Variants in SCFD2 observed in about 807,000 individuals in gnomAD.
SCFD2 encodes the protein sec1 family domain-containing protein 2.
Under a neutral mutation model 58.9 loss-of-function variants are expected in SCFD2, and 54 were observed. That is an observed-to-expected ratio of 0.92 (90% CI 0.74 to 1.15). The LOEUF is 1.15. SCFD2 is among the 50% of genes most tolerant of loss of function. The pLI is 0.00. For missense variants in SCFD2, 805 were observed against 836.6 expected (o/e 0.96, Z 0.47); for synonymous variants, 321 against 335.9 (o/e 0.96, Z 0.49).
intron 4 of SCFD2, among the ~76,000 whole-genome samples, chr4:53,207,311 TAAA>T (rs755241030): frequency 8.2e-5 from 9 of 109,746 alleles, no homozygotes; most frequent in Non-Finnish European, 3.8e-5. Flanking sequence ...ACATTTTTGC[TAAA>T]AAAAAAAAAA....
chr4:53,070,332 G>A (rs1723779745), intron 5 of SCFD2, among the ~76,000 whole-genome samples: 1 of 151,890 alleles, frequency 6.6e-6, no homozygotes, highest in African/African-American at 2.4e-5. Flanking sequence ...ATTGTACAAA[G>A]CAAAAGCATT....
chr4:53,257,057 G>A (rs1198073877), intron 4 of SCFD2, among the ~76,000 whole-genome samples: 1 of 151,968 alleles, frequency 6.6e-6, no homozygotes, highest in Non-Finnish European at 1.5e-5. Context: ...CCCATGACAC[G>A]AGTTTCTCTA....
intron 5 of SCFD2, chr4:52,956,428 C>A (rs1307543001): frequency 2.8e-6 from 1 of 362,308 alleles, no homozygotes; most frequent in South Asian, 2.1e-5. Flanking sequence ...CTCAAGTAAC[C>A]AGGCTGAGGG....
At chr4:53,079,778 C>T (rs1560326535) in intron 5 of SCFD2, among the ~76,000 whole-genome samples, 1 of 152,080 alleles carries the variant, frequency 6.6e-6, no homozygotes. Context: ...ATATACTATC[C>T]AATTGCAAGT....
chr4:52,958,995 T>C (rs769618436), intron 5 of SCFD2, among the ~76,000 whole-genome samples: 16 of 152,184 alleles, frequency 1.1e-4, no homozygotes, highest in Non-Finnish European at 8.8e-5. Flanking sequence ...TTGGTATTAT[T>C]ACACCTACCT....
At chr4:53,258,113 C>G (rs1441983019) in intron 4 of SCFD2, among the ~76,000 whole-genome samples, 1 of 152,146 alleles carries the variant, frequency 6.6e-6, no homozygotes, top group East Asian at 1.9e-4. Context: ...GCTCCATATC[C>G]AGCCCATCTT....
At chr4:52,980,276 G>C (rs763483324) in intron 5 of SCFD2, among the ~76,000 whole-genome samples, 8 of 152,180 alleles carry the variant, frequency 5.3e-5, no homozygotes, top group Non-Finnish European at 1.0e-4. Flanking sequence ...AGTTCTTACA[G>C]CAATTCTATG....
At chr4:53,297,302 C>G (rs980240790) in intron 3 of SCFD2, among the ~76,000 whole-genome samples, 7 of 152,244 alleles carry the variant, frequency 4.6e-5, no homozygotes, top group African/African-American at 1.4e-4. Context: ...TAAGAACTTG[C>G]TTTATGAATC....
intron 6 of SCFD2, among the ~76,000 whole-genome samples, chr4:52,919,954 T>A (rs984832344): frequency 3.3e-5 from 5 of 152,182 alleles, no homozygotes; most frequent in African/African-American, 1.2e-4. Context: ...GAGAAATAAA[T>A]AAGATTCCCC....
At chr4:53,322,916 G>A (rs78715074) in intron 2 of SCFD2, among the ~76,000 whole-genome samples, 2 of 152,200 alleles carry the variant, frequency 1.3e-5, no homozygotes, top group Non-Finnish European at 2.9e-5. Context: ...AGGAACTCTA[G>A]GACAAAGAGT....
chr4:53,202,324 T>C (rs1021043338), intron 4 of SCFD2, among the ~76,000 whole-genome samples: 2 of 152,166 alleles, frequency 1.3e-5, no homozygotes, highest in African/African-American at 4.8e-5. Flanking sequence ...TTGTCAAAGA[T>C]CAGATAGCTG....
rs373952981 is a variant in SCFD2 at position 53,248,289 on chromosome 4, G to A, written c.1311+25537C>T. Among the ~76,000 whole-genome samples the A allele has an allele frequency of 5.9e-4, 90 of 152,270 alleles. 1 individual carries two copies. Among genetic ancestry groups the A allele is most frequent in the Admixed American group, 4.6e-4 (7 of 15,294 alleles). On this transcript the variant is annotated intron_variant, in intron 4 of 8. Transcript: ENST00000401642. ...GAGGGTCCTACACCCACTGAGTCTC[G>A]CAGATGCTAGCACAGCAGTCTGAGA...
intron 2 of SCFD2, among the ~76,000 whole-genome samples, chr4:53,329,305 C>A (rs992916562): frequency 1.3e-5 from 2 of 152,106 alleles, no homozygotes; most frequent in African/African-American, 4.8e-5. Context: ...CACAGACAAA[C>A]AAAAAGACAG....
chr4:53,099,291 G>A (rs1408249036), intron 5 of SCFD2, among the ~76,000 whole-genome samples: 1 of 152,130 alleles, frequency 6.6e-6, no homozygotes, highest in Non-Finnish European at 1.5e-5. Context: ...ATTTCACAAA[G>A]CGGAGAGTTG....
chr4:53,197,762 A>G (rs1330285138), intron 4 of SCFD2, among the ~76,000 whole-genome samples: 1 of 151,570 alleles, frequency 6.6e-6, no homozygotes, highest in Non-Finnish European at 1.5e-5. Flanking sequence ...AAAAAAAAAA[A>G]AAAAAGAAAT....
chr4:53,246,857 C>A (rs1401178987), intron 4 of SCFD2, among the ~76,000 whole-genome samples: 1 of 151,710 alleles, frequency 6.6e-6, no homozygotes, highest in African/African-American at 2.4e-5. Flanking sequence ...TGGGATCTAA[C>A]CAAACAAAAG....
At chr4:53,158,953 G>A (rs1726773098) in intron 4 of SCFD2, among the ~76,000 whole-genome samples, 1 of 152,080 alleles carries the variant, frequency 6.6e-6, no homozygotes, top group Non-Finnish European at 1.5e-5. Context: ...TGGGTTAAAT[G>A]TGCCTATTTT....
chr4:53,307,094 G>A (rs1732539067), intron 3 of SCFD2, among the ~76,000 whole-genome samples: 1 of 152,198 alleles, frequency 6.6e-6, no homozygotes, highest in South Asian at 2.1e-4. Flanking sequence ...CCTGGAAAAG[G>A]CAGTCCACGA....
chr4:53,151,188 G>A (rs1216641633), intron 4 of SCFD2, among the ~76,000 whole-genome samples: 1 of 152,190 alleles, frequency 6.6e-6, no homozygotes, highest in Non-Finnish European at 1.5e-5. Context: ...ACAACAGTCA[G>A]TGAAAGGTCA....
Sources: gnomAD v4.1 joint callset for allele counts (sites outside exome capture counted in the v4.1 genomes callset) on GRCh38, gnomAD v4.1.1 for gene constraint, MANE v1.5 for transcripts, NCBI Gene and HGNC (gene_info 2026-07-23, HGNC 2026-07-21) for gene names.